ANKS1B: variants seen among roughly 807,000 people sequenced by gnomAD.
ANKS1B encodes the protein ankyrin repeat and sterile alpha motif domain containing 1B, also known as ankyrin repeat and sterile alpha motif domain-containing protein 1B.
A neutral mutation model predicts 148.3 loss-of-function variants in ANKS1B; 36 were observed. The observed-to-expected ratio is 0.24, with a 90% CI of 0.19 to 0.32. ANKS1B has a LOEUF of 0.32. Among genes scored for constraint, ANKS1B ranks in the 10% least tolerant of loss-of-function variants. The probability of loss-of-function intolerance (pLI) is 1.00; values close to 1 mark genes in which losing one functional copy is unlikely to be tolerated. For missense variants in ANKS1B, 1,157 were observed against 1,542.6 expected (o/e 0.75, Z 4.19); for synonymous variants, 542 against 560.8 (o/e 0.97, Z 0.47).
chr12:99,364,588 A>G (rs186235948), intron 12 of ANKS1B, among the ~76,000 whole-genome samples: 68 of 152,270 alleles, frequency 4.5e-4, no homozygotes, highest in Admixed American at 1.1e-3. Flanking sequence ...TCTATCATGC[A>G]CCCTGTGGAT....
chr12:99,890,973 ATTC>A, intron 1 of ANKS1B, among the ~76,000 whole-genome samples: 1 of 152,368 alleles, frequency 6.6e-6, no homozygotes, highest in African/African-American at 2.4e-5. Flanking sequence ...ATAGGAAACC[ATTC>A]TTCTACTTTC....
chr12:99,640,574 G>A (rs2098292906), intron 9 of ANKS1B, among the ~76,000 whole-genome samples: 1 of 152,148 alleles, frequency 6.6e-6, no homozygotes, highest in African/African-American at 2.4e-5. Flanking sequence ...TAGGAAGAAA[G>A]CCCTTGACAG....
chr12:99,685,970 G>A (rs2098647406), intron 8 of ANKS1B, among the ~76,000 whole-genome samples: 1 of 151,926 alleles, frequency 6.6e-6, no homozygotes, highest in Non-Finnish European at 1.5e-5. Context: ...TGGACTTTGG[G>A]GACTCCAGGG....
intron 4 of ANKS1B, among the ~76,000 whole-genome samples, chr12:99,782,598 G>A (rs2064468886): frequency 6.6e-6 from 1 of 152,134 alleles, no homozygotes; most frequent in African/African-American, 2.4e-5. Flanking sequence ...TTTCTTATGT[G>A]AGTATTTCAC....
intron 12 of ANKS1B, among the ~76,000 whole-genome samples, chr12:99,347,230 T>C (rs1296932271): frequency 6.6e-6 from 1 of 151,864 alleles, no homozygotes; most frequent in African/African-American, 2.4e-5. Flanking sequence ...GCTACGCCCA[T>C]GAGACAAAGA....
intron 9 of ANKS1B, among the ~76,000 whole-genome samples, chr12:99,580,586 T>C (rs983051197): frequency 6.6e-6 from 1 of 151,830 alleles, no homozygotes; most frequent in Non-Finnish European, 1.5e-5. Context: ...CTACCAGAGG[T>C]TGGGAAGGGT....
chr12:99,116,684 C>CT (rs375767471), intron 15 of ANKS1B, among the ~76,000 whole-genome samples: 20 of 151,742 alleles, frequency 1.3e-4, no homozygotes, highest in Non-Finnish European at 2.1e-4. Flanking sequence ...TATATGGGCT[C>CT]TTTTTTTTGT....
At chr12:98,965,445 T>C (rs2099877023) in intron 17 of ANKS1B, among the ~76,000 whole-genome samples, 2 of 152,212 alleles carry the variant, frequency 1.3e-5, no homozygotes, top group Non-Finnish European at 2.9e-5. Flanking sequence ...GCAAGCCATA[T>C]TTATGCCATA....
intron 7 of ANKS1B, among the ~76,000 whole-genome samples, chr12:99,773,721 C>T (rs2153623936): frequency 6.6e-6 from 1 of 152,120 alleles, no homozygotes; most frequent in East Asian, 1.9e-4. Context: ...CAGTTACAAT[C>T]CAGATTTTAA....
chr12:98,811,014 GA>G (rs576212202), intron 19 of ANKS1B, among the ~76,000 whole-genome samples: 55 of 152,192 alleles, frequency 3.6e-4, no homozygotes, highest in African/African-American at 1.3e-3. Flanking sequence ...TTTAGTTGGG[GA>G]GGAAGAAACA....
At chr12:98,811,136 C>A in intron 19 of ANKS1B, among the ~76,000 whole-genome samples, 1 of 152,214 alleles carries the variant, frequency 6.6e-6, no homozygotes, top group East Asian at 1.9e-4. Flanking sequence ...CTGCTCCAAC[C>A]TAGGTTCTCC....
chr12:98,828,611 A>C lies in ANKS1B; in HGVS notation c.3066+563T>G, dbSNP rs147965507. On this transcript the variant is annotated intron_variant, in intron 19 of 26. Coordinates refer to ENST00000683438, the MANE Select transcript of ANKS1B (RefSeq NM_001352186.2). ...CAATCCGAGGACAGGCTAGACATGAACATCCCTACTAAAAACATGGAAAGG... is the reference window on the plus strand; with the variant it reads ...CAATCCGAGGACAGGCTAGACATGACCATCCCTACTAAAAACATGGAAAGG... 5.3e-3 allele frequency among the ~76,000 whole-genome samples: 804 copies of C among 152,356 alleles called. 2 individuals carry two copies. Among genetic ancestry groups the C allele is most frequent in the African/African-American group, 0.018 (763 of 41,586 alleles).
intron 17 of ANKS1B, among the ~76,000 whole-genome samples, chr12:98,846,698 A>C (rs1416239254): frequency 6.6e-6 from 1 of 152,212 alleles, no homozygotes; most frequent in African/African-American, 2.4e-5. Context: ...CTTTCACATA[A>C]GCTGTGCTTT....
At chr12:99,222,759 A>C (rs2085321966) in intron 14 of ANKS1B, among the ~76,000 whole-genome samples, 1 of 152,200 alleles carries the variant, frequency 6.6e-6, no homozygotes, top group South Asian at 2.1e-4. Flanking sequence ...TGATCTTCCC[A>C]AACAGAACAG....
At chr12:98,876,086 C>G (rs1416050144) in intron 17 of ANKS1B, among the ~76,000 whole-genome samples, 3 of 152,186 alleles carry the variant, frequency 2.0e-5, no homozygotes, top group East Asian at 3.8e-4. Flanking sequence ...AGTGACCCTT[C>G]CCACCTACAA....
intron 18 of ANKS1B, among the ~76,000 whole-genome samples, chr12:98,830,144 G>GT (rs556460968): frequency 3.9e-5 from 6 of 152,264 alleles, no homozygotes; most frequent in African/African-American, 1.4e-4. Context: ...AAAGAGCAGG[G>GT]TAAGTAGCAG....
intron 10 of ANKS1B, among the ~76,000 whole-genome samples, chr12:99,456,089 T>C (rs2095843533): frequency 6.6e-6 from 1 of 151,880 alleles, no homozygotes; most frequent in Non-Finnish European, 1.5e-5. Flanking sequence ...TGAAGATGGG[T>C]CAAATCACAG....
chr12:99,398,378 C>T (rs2094311504), intron 12 of ANKS1B, among the ~76,000 whole-genome samples: 1 of 152,106 alleles, frequency 6.6e-6, no homozygotes, highest in Non-Finnish European at 1.5e-5. Flanking sequence ...TACACATACA[C>T]TCACTGTGAA....
downstream of ANKS1B, among the ~76,000 whole-genome samples, chr12:98,739,566 T>C (rs1035951860): frequency 1.3e-5 from 2 of 152,088 alleles, no homozygotes; most frequent in African/African-American, 4.8e-5. Context: ...TTTGAAACTC[T>C]TAAGGGATTC....
Sources: gnomAD v4.1 joint callset for allele counts (sites outside exome capture counted in the v4.1 genomes callset) on GRCh38, gnomAD v4.1.1 for gene constraint, MANE v1.5 for transcripts, NCBI Gene and HGNC (gene_info 2026-07-23, HGNC 2026-07-21) for gene names.